MTMR3: variants seen among roughly 807,000 people sequenced by gnomAD.
MTMR3 encodes phosphatidylinositol-3,5-bisphosphate 3-phosphatase MTMR3.
Under a neutral mutation model 132.4 loss-of-function variants are expected in MTMR3, and 32 were observed. The observed-to-expected ratio is 0.24, with a 90% CI of 0.18 to 0.32. The LOEUF (loss-of-function observed/expected upper bound fraction) is 0.32, where lower values mean the gene tolerates loss of function less well. Ranked by LOEUF, MTMR3 falls within the 10% of genes least tolerant of loss-of-function variation. The pLI, the probability that MTMR3 is intolerant of heterozygous loss-of-function variation, is 1.00. For synonymous variants in MTMR3, 556 were observed against 550.3 expected (o/e 1.01, Z -0.14); for missense variants, 1,216 against 1,489.6 (o/e 0.82, Z 3.02).
chr22:29,901,634 T>C (rs560938488), intron 1 of MTMR3, among the ~76,000 whole-genome samples: 136 of 152,312 alleles, frequency 8.9e-4, no homozygotes, highest in Non-Finnish European at 1.7e-3. Flanking sequence ...CAACCACTGA[T>C]CTGTTTTTTC....
Position 30,002,987 on chromosome 22 carries a change from T to C in MTMR3, c.665T>C (p.Ile222Thr). The change falls in exon 9 of 20, where the codon ATC (isoleucine) becomes ACC (threonine). Residue 222 changes from isoleucine (I) to threonine (T), a missense_variant. Coordinates refer to ENST00000401950, the MANE Select transcript of MTMR3 (RefSeq NM_021090.4). ...FRSWKRIPAV[I>T]YRHQSNGAVI... is the part of the protein sequence containing the mutation. ...TCCTGGAAGCGCATCCCTGCCGTCATCTACAGGTAAGTTAAACTGGACCAG... is the reference window on the plus strand; with the variant it reads ...TCCTGGAAGCGCATCCCTGCCGTCACCTACAGGTAAGTTAAACTGGACCAG... 6.2e-7 allele frequency: 1 copy of C among 1,613,676 alleles called. No homozygotes were observed. The highest frequency in any genetic ancestry group is 8.5e-7 in the Non-Finnish European group (1 of 1,179,564).
At chr22:29,987,679 C>G (rs2066885064) in intron 5 of MTMR3, 2 of 152,218 alleles carry the variant, frequency 1.3e-5, no homozygotes, top group Non-Finnish European at 2.9e-5. Flanking sequence ...TTCTATCTGT[C>G]TCCCTTCTCT....
At chr22:29,983,349 T>G (rs2066792991) in intron 5 of MTMR3, 1 of 152,266 alleles carries the variant, frequency 6.6e-6, no homozygotes, top group Admixed American at 6.5e-5. Context: ...GGAGTTTCAC[T>G]CTGTTGTCCA....
intron 6 of MTMR3, 136 bp downstream of exon 6, chr22:29,988,698 C>T: frequency 1.9e-6 from 1 of 517,382 alleles, no homozygotes; most frequent in Non-Finnish European, 3.2e-6. Context: ...GTAGTTTGTG[C>T]CTGAAATATT....
At chr22:29,922,246 T>G (rs1352733439) in intron 1 of MTMR3, among the ~76,000 whole-genome samples, 16 of 152,168 alleles carry the variant, frequency 1.1e-4, no homozygotes, top group Admixed American at 1.0e-3. Context: ...CTCAAACTCC[T>G]GACCTCAGGT....
At chr22:29,963,146 C>T (rs1243556014) in intron 2 of MTMR3, among the ~76,000 whole-genome samples, 1 of 151,862 alleles carries the variant, frequency 6.6e-6, no homozygotes, top group Non-Finnish European at 1.5e-5. Context: ...GGTGTTTTGC[C>T]ATGTTGCCCG....
chr22:29,910,081 G>C (rs899648006), intron 1 of MTMR3, among the ~76,000 whole-genome samples: 27 of 151,424 alleles, frequency 1.8e-4, no homozygotes, highest in African/African-American at 6.3e-4. Context: ...GGAGAATGGC[G>C]TGAACCCAGG....
intron 1 of MTMR3, among the ~76,000 whole-genome samples, chr22:29,931,780 C>CTTT (rs34210747): frequency 0.11 from 14,841 of 140,792 alleles, 1,090 homozygotes; most frequent in African/African-American, 0.2. Context: ...AGAGAGAATC[C>CTTT]TTTTTTTTTT....
intron 1 of MTMR3, among the ~76,000 whole-genome samples, chr22:29,894,884 A>G (rs911939310): frequency 6.6e-6 from 1 of 152,166 alleles, no homozygotes; most frequent in Non-Finnish European, 1.5e-5. Flanking sequence ...GGGTTAAGAC[A>G]TTTGTTATTA....
rs567660543 is a variant in MTMR3, at chr22:29,957,448, T to G, written c.-85+360T>G. Among the ~76,000 whole-genome samples, 846 of 113,238 alleles carry G rather than the reference T, an allele frequency of 7.5e-3. 8 individuals are homozygous for G. The highest frequency in any genetic ancestry group is 0.024 in the African/African-American group (811 of 33,212). 74.3% of individuals were successfully genotyped at this position (113,238 alleles called of 152,430 possible). A position where few individuals can be genotyped will look rare whatever the true frequency, so the allele number is the denominator to read the frequency against. Reference sequence around the variant, plus strand: ...TTATTTATTTATTTATTTATTTATTTATTTATTTATTGATATATTTTTTGA... The same window carrying G: ...TTATTTATTTATTTATTTATTTATTGATTTATTTATTGATATATTTTTTGA... On this transcript the variant is annotated intron_variant, in intron 2 of 19. Coordinates refer to ENST00000401950, the MANE Select transcript of MTMR3 (RefSeq NM_021090.4).
chr22:29,893,824 C>G (rs1487102302), intron 1 of MTMR3, among the ~76,000 whole-genome samples: 1 of 151,774 alleles, frequency 6.6e-6, no homozygotes, highest in African/African-American at 2.4e-5. Flanking sequence ...TACTTTTATA[C>G]GTAGGAAAAA....
intron 7 of MTMR3, chr22:29,996,171 G>C (rs1250753174): frequency 1.3e-5 from 2 of 152,210 alleles, no homozygotes; most frequent in Non-Finnish European, 2.9e-5. Flanking sequence ...TTGTTGTATT[G>C]TGTTGTAAAA....
chr22:29,922,534 C>T (rs2065437307), intron 1 of MTMR3, among the ~76,000 whole-genome samples: 2 of 152,024 alleles, frequency 1.3e-5, no homozygotes, highest in Admixed American at 1.3e-4. Context: ...TTTGTTTACC[C>T]ATTTATCCAT....
At chr22:29,981,291 C>G (rs910980899) in intron 5 of MTMR3, 10 of 152,250 alleles carry the variant, frequency 6.6e-5, no homozygotes, top group Middle Eastern at 3.4e-3. Flanking sequence ...CCTTTTCCCC[C>G]TTTGGTGTTT....
intron 16 of MTMR3, 40 bp downstream of exon 16, chr22:30,018,112 G>A: frequency 6.4e-7 from 1 of 1,557,234 alleles, no homozygotes; most frequent in Admixed American, 2.1e-5. Context: ...CAGCCTGTGT[G>A]GGTGTATTCC....
chr22:29,887,537 T>G (rs1230671709), intron 1 of MTMR3, among the ~76,000 whole-genome samples: 2 of 152,228 alleles, frequency 1.3e-5, no homozygotes, highest in African/African-American at 2.4e-5. Context: ...AGGTTTCTGC[T>G]TCTGTACTCT....
chr22:30,026,944 C>G lies in MTMR3; in HGVS notation c.*1143C>G, dbSNP rs2067922641. The G allele has an allele frequency of 6.5e-6, 1 of 152,862 alleles. No individual in the cohort carries two copies. 9.5% of individuals were successfully genotyped at this position (152,862 alleles called of 1,614,324 possible). A position where few individuals can be genotyped will look rare whatever the true frequency, so the allele number is the denominator to read the frequency against. On this transcript the variant is annotated 3_prime_UTR_variant, in exon 20 of 20. Coordinates refer to ENST00000401950, the MANE Select transcript of MTMR3 (RefSeq NM_021090.4). ...CCACTCCTGGCTGTCTGAGTGGGCA[C>G]TTGTCTGGCTGCTGGCCAGCAGTGA...
At chr22:29,943,006 CTG>C (rs2145815107) in intron 1 of MTMR3, among the ~76,000 whole-genome samples, 1 of 152,264 alleles carries the variant, frequency 6.6e-6, no homozygotes, top group East Asian at 1.9e-4. Context: ...TAATAAGTGT[CTG>C]TGAAATCTTC....
intron 12 of MTMR3, chr22:30,010,870 G>C (rs187322930): frequency 2.2e-4 from 34 of 152,244 alleles, no homozygotes; most frequent in African/African-American, 7.7e-4. Flanking sequence ...AAAGTCTTAC[G>C]ATTGGATTTT....
Sources: gnomAD v4.1 joint callset for allele counts (sites outside exome capture counted in the v4.1 genomes callset) on GRCh38, gnomAD v4.1.1 for gene constraint, MANE v1.5 for transcripts, NCBI Gene and HGNC (gene_info 2026-07-23, HGNC 2026-07-21) for gene names.